DENND2B: variants seen among roughly 807,000 people sequenced by gnomAD.
DENND2B encodes DENN domain-containing protein 2B.
In DENND2B, 32 loss-of-function variants were observed where a neutral mutation model predicts 116.0. The ratio of observed to expected loss-of-function variants is 0.28; its 90% CI spans 0.21 to 0.37. DENND2B has a LOEUF of 0.37. Among genes scored for constraint, DENND2B ranks in the 10% least tolerant of loss-of-function variants. The pLI, the probability that DENND2B is intolerant of heterozygous loss-of-function variation, is 1.00. For missense variants in DENND2B, 1,276 were observed against 1,477.7 expected (o/e 0.86, Z 2.24); for synonymous variants, 588 against 583.9 (o/e 1.01, Z -0.10).
chr11:8,803,644 T>G (rs2060552492), intron 1 of DENND2B, among the ~76,000 whole-genome samples: 1 of 152,246 alleles, frequency 6.6e-6, no homozygotes, highest in Non-Finnish European at 1.5e-5. Context: ...AGCATATTTG[T>G]GTCTACAACT....
intron 1 of DENND2B, chr11:8,910,731 T>G (rs2064311258): frequency 6.5e-6 from 1 of 153,626 alleles, no homozygotes; most frequent in Non-Finnish European, 1.4e-5. Flanking sequence ...TGTGTGTGTG[T>G]GTGTGTCTAC....
chr11:8,764,287 C>T (rs1294051006), intron 1 of DENND2B, among the ~76,000 whole-genome samples: 1 of 152,042 alleles, frequency 6.6e-6, no homozygotes, highest in African/African-American at 2.4e-5. Context: ...ACTGGAACTA[C>T]AGATCTTAGA....
At chr11:8,717,224 TACTC>T (rs1416066671) in intron 5 of DENND2B, among the ~76,000 whole-genome samples, 5 of 152,186 alleles carry the variant, frequency 3.3e-5, no homozygotes, top group African/African-American at 1.2e-4. Flanking sequence ...GATTCATGCT[TACTC>T]TCTCCCACAG....
chr11:8,837,667 C>T (rs2062483270), intron 4 of DENND2B, among the ~76,000 whole-genome samples: 1 of 152,138 alleles, frequency 6.6e-6, no homozygotes, highest in South Asian at 2.1e-4. Flanking sequence ...TTTCTTAGTT[C>T]TTGATGATAG....
chr11:8,735,893 C>T (rs567977081), intron 2 of DENND2B, among the ~76,000 whole-genome samples: 27 of 152,320 alleles, frequency 1.8e-4, no homozygotes, highest in African/African-American at 6.5e-4. Context: ...GGAGAGAGTG[C>T]TCATTCCTGG....
At chr11:8,716,181 C>A (rs1026389368) in intron 5 of DENND2B, among the ~76,000 whole-genome samples, 17 of 152,194 alleles carry the variant, frequency 1.1e-4, no homozygotes, top group Non-Finnish European at 1.9e-4. Flanking sequence ...GTCTTCCGGA[C>A]CTCTGCTCCC....
At chr11:8,867,997 C>G (rs767630656) in intron 2 of DENND2B, among the ~76,000 whole-genome samples, 6 of 142,928 alleles carry the variant, frequency 4.2e-5, no homozygotes, top group Non-Finnish European at 7.6e-5. Flanking sequence ...TGATCTACCT[C>G]TCAGGGTAGT....
intron 2 of DENND2B, among the ~76,000 whole-genome samples, chr11:8,867,181 A>G (rs1256512268): frequency 6.6e-6 from 1 of 152,216 alleles, no homozygotes; most frequent in Admixed American, 6.5e-5. Context: ...AGAAATAGCA[A>G]GAAATCCAGA....
chr11:8,887,455 A>C (rs1430526808), intron 1 of DENND2B, among the ~76,000 whole-genome samples: 1 of 152,200 alleles, frequency 6.6e-6, no homozygotes, highest in Non-Finnish European at 1.5e-5. Flanking sequence ...ATCTTTACTA[A>C]AATAATCCTC....
intron 2 of DENND2B, among the ~76,000 whole-genome samples, chr11:8,743,559 A>AT (rs2050645024): frequency 6.6e-6 from 1 of 151,874 alleles, no homozygotes; most frequent in Admixed American, 6.6e-5. Flanking sequence ...CAAAAAAAAA[A>AT]ATTTTTTTTT....
At chr11:8,714,545 G>T in intron 7 of DENND2B, 65 bp downstream of exon 7, 1 of 1,355,780 alleles carries the variant, frequency 7.4e-7, no homozygotes. Context: ...GTAAATTGAT[G>T]CCTCTCCCGT....
intron 2 of DENND2B, among the ~76,000 whole-genome samples, chr11:8,745,230 CT>C (rs1279929107): frequency 1.3e-5 from 2 of 151,920 alleles, no homozygotes; most frequent in South Asian, 2.1e-4. Flanking sequence ...AATTTTTGTA[CT>C]TTTTGTAGAG....
At chr11:8,750,494 A>C in intron 2 of DENND2B, 127 bp downstream of exon 2, 1 of 747,830 alleles carries the variant, frequency 1.3e-6, no homozygotes, top group Non-Finnish European at 2.3e-6. Flanking sequence ...AATGGTCAGC[A>C]TGAGCTGGCC....
At chr11:8,696,395 A>T (rs772171480) in intron 18 of DENND2B, 32 bp downstream of exon 18, 2 of 1,609,764 alleles carry the variant, frequency 1.2e-6, no homozygotes, top group Non-Finnish European at 1.7e-6. Context: ...GGGTGAAAAA[A>T]TTAGAGAAGA....
At chr11:8,791,268 T>C (rs571478452) in intron 1 of DENND2B, among the ~76,000 whole-genome samples, 1 of 152,318 alleles carries the variant, frequency 6.6e-6, no homozygotes, top group South Asian at 2.1e-4. Flanking sequence ...AGCATGTCAA[T>C]ACAATTGCAC....
At chr11:8,700,403 C>G (rs2041335922) in intron 14 of DENND2B, among the ~76,000 whole-genome samples, 1 of 152,206 alleles carries the variant, frequency 6.6e-6, no homozygotes, top group South Asian at 2.1e-4. Flanking sequence ...TTTCTAAACC[C>G]TGGTGCTCTA....
intron 1 of DENND2B, among the ~76,000 whole-genome samples, chr11:8,903,677 C>T (rs1400012998): frequency 6.6e-6 from 1 of 151,798 alleles, no homozygotes; most frequent in Non-Finnish European, 1.5e-5. Context: ...TTCAGGAGTT[C>T]AAGACCAGCC....
intron 2 of DENND2B, among the ~76,000 whole-genome samples, chr11:8,869,576 T>C (rs751439017): frequency 6.6e-6 from 1 of 151,502 alleles, no homozygotes; most frequent in Non-Finnish European, 1.5e-5. Flanking sequence ...GCAGGAGAAT[T>C]GCTTGAACCC....
At chr11:8,883,918 T>C (rs1052537214) in intron 1 of DENND2B, among the ~76,000 whole-genome samples, 1 of 152,258 alleles carries the variant, frequency 6.6e-6, no homozygotes, top group African/African-American at 2.4e-5. Context: ...TTACAAACCA[T>C]TTGTTTAGTG....
Sources: allele counts gnomAD v4.1 joint callset (sites outside exome capture counted in the v4.1 genomes callset), GRCh38; gene constraint gnomAD v4.1.1; transcripts MANE v1.5; gene names NCBI Gene and HGNC (gene_info 2026-07-23, HGNC 2026-07-21).